The following SOAT2 variants were observed in gnomAD, a reference collection of about 807,000 sequenced individuals.
SOAT2 encodes the protein ACAT-2.
SOAT2 carries 87 observed loss-of-function variants against 76.0 expected under a neutral mutation model. The ratio of observed to expected loss-of-function variants is 1.14; its 90% confidence interval spans 0.96 to 1.37. The LOEUF (loss-of-function observed/expected upper bound fraction) is 1.37, where lower values mean the gene tolerates loss of function less well. SOAT2 is among the 40% of genes most tolerant of loss of function. SOAT2 has a pLI of 0.00. For synonymous variants in SOAT2, 285 were observed against 275.4 expected, an observed-to-expected ratio of 1.03 and a Z score of -0.34; for missense variants, 686 against 682.1, an observed-to-expected ratio of 1.01 and a Z score of -0.06.
intron 6 of SOAT2, among the ~76,000 whole-genome samples, 191 bp downstream of exon 6, chr12:53,115,845 G>A (rs1938099619): frequency 6.6e-6 from 1 of 152,218 alleles, no homozygotes; most frequent in South Asian, 2.1e-4. Context: ...AGGCTGGAAG[G>A]CAAACACTGT....
chr12:53,120,252 G>A (rs953372569), intron 10 of SOAT2, among the ~76,000 whole-genome samples: 4 of 152,044 alleles, frequency 2.6e-5, no homozygotes, highest in African/African-American at 9.7e-5. Flanking sequence ...GGTGGATCAC[G>A]AGGTCAGGAG....
At chr12:53,111,497 T>C (rs1467897801) in intron 5 of SOAT2, among the ~76,000 whole-genome samples, 1 of 151,968 alleles carries the variant, frequency 6.6e-6, no homozygotes, top group Non-Finnish European at 1.5e-5. Flanking sequence ...GCCACAAGAG[T>C]AGAAGTTAGG....
At chr12:53,111,308 C>T (rs564591470) in intron 5 of SOAT2, among the ~76,000 whole-genome samples, 19 of 152,208 alleles carry the variant, frequency 1.2e-4, no homozygotes, top group African/African-American at 3.6e-4. Flanking sequence ...GGGGTTTCAC[C>T]GTGTTAACCA....
At chr12:53,112,406 C>T (rs903119808) in intron 5 of SOAT2, among the ~76,000 whole-genome samples, 3 of 152,034 alleles carry the variant, frequency 2.0e-5, no homozygotes, top group South Asian at 2.1e-4. Context: ...ATTAGCCAGG[C>T]GTGGTAGCAC....
At position 53,121,299 on chromosome 12, in the gene SOAT2, C is replaced by G. The variant is rs1439920716; in HGVS notation, c.1138-4C>G. On this transcript the variant is annotated splice_region_variant and splice_polypyrimidine_tract_variant and intron_variant, in intron 11 of 14. Transcript: ENST00000301466. ...TTCCCCCACTCTGACCCCACCTTCTCCAGGACTGGTGGAACTCAACGTCCT... is the reference window on the plus strand; with the variant it reads ...TTCCCCCACTCTGACCCCACCTTCTGCAGGACTGGTGGAACTCAACGTCCT... 1 of 1,612,600 alleles carries G rather than the reference C, an allele frequency of 6.2e-7. No homozygotes were observed. The highest frequency in any genetic ancestry group is 8.5e-7 in the Non-Finnish European group (1 of 1,178,714).
chr12:53,122,362 C>A (rs1291805196), intron 12 of SOAT2, among the ~76,000 whole-genome samples: 1 of 139,766 alleles, frequency 7.2e-6, no homozygotes. Context: ...TTTTATTGAT[C>A]ATTCTTGGGT....
At chr12:53,113,417 G>A (rs1938053821) in intron 5 of SOAT2, among the ~76,000 whole-genome samples, 1 of 152,168 alleles carries the variant, frequency 6.6e-6, no homozygotes. Context: ...ACAGCCCTCG[G>A]GAGGGTCCCC....
intron 12 of SOAT2, 60 bp from the exon 13 acceptor site, chr12:53,123,021 G>C: frequency 6.7e-7 from 1 of 1,497,272 alleles, no homozygotes; most frequent in Non-Finnish European, 8.9e-7. Flanking sequence ...CTGGAGGTGG[G>C]GGCTCTTTGT....
In SOAT2 at chr12:53,105,154, G is replaced by C. The variant is rs555399194; in HGVS notation, c.186G>C (p.Glu62Asp). 6.3e-7 allele frequency: 1 copy of C among 1,576,850 alleles called. No individual in the cohort carries two copies. The highest frequency in any genetic ancestry group is 2.3e-5 in the East Asian group (1 of 42,686). Residue 62 changes from glutamate (E) to aspartate (D), a missense_variant, in exon 3 of 15, where the codon GAG becomes GAC. Physicochemically the swap from Glu to Asp is conservative, Grantham distance 45. Transcript: ENST00000301466. Reference sequence around the variant, plus strand: ...AGCAAGCGCAGGGACAACTGAGGGAGCTGCTGGATCGGGCCATGCGGGAGG... The same window carrying C: ...AGCAAGCGCAGGGACAACTGAGGGACCTGCTGGATCGGGCCATGCGGGAGG... ...LLEQAQGQLR[E>D]LLDRAMREAI... is the part of the protein sequence containing the mutation.
At position 53,121,401 on chromosome 12, in the gene SOAT2, G is replaced by C. The variant is rs949960836; in HGVS notation, c.1236G>C (p.Arg412=). The C allele has an allele frequency of 1.9e-6, 3 of 1,612,982 alleles. No homozygotes were observed. The Admixed American group carries it at 5.0e-5, about 27-fold the overall frequency. The change falls in exon 12 of 15, where the codon CGG becomes CGC. Residue 412 remains arginine (R), a splice_region_variant and synonymous_variant. Coordinates refer to ENST00000301466, the MANE Select transcript of SOAT2 (RefSeq NM_003578.4). ...GCTACGTGTATCAGGATGGGCTGCGGGTATGGGCCCTGCAGACCCCTTCAG... is the reference window on the plus strand; with the variant it reads ...GCTACGTGTATCAGGATGGGCTGCGCGTATGGGCCCTGCAGACCCCTTCAG... ...LYSYVYQDGL[R]LLGARARGVA...
chr12:53,115,916 C>A (rs80019583), intron 6 of SOAT2, among the ~76,000 whole-genome samples, 181 bp from the exon 7 acceptor site: 7,050 of 152,292 alleles, frequency 0.046, 373 homozygotes, highest in African/African-American at 0.13. Context: ...TCCTAGCAGC[C>A]TTCATTCATC....
chr12:53,112,562 A>AAAAAAAT (rs1938031003), intron 5 of SOAT2, among the ~76,000 whole-genome samples: 1 of 150,798 alleles, frequency 6.6e-6, no homozygotes, highest in African/African-American at 2.4e-5. Context: ...AAAAAAAAAA[A>AAAAAAAT]GACAAGGTCC....
At chr12:53,115,289 A>C in intron 5 of SOAT2, 101 bp from the exon 6 acceptor site, 1 of 1,379,558 alleles carries the variant, frequency 7.2e-7, no homozygotes, top group Non-Finnish European at 9.8e-7. Flanking sequence ...TCACAACCTG[A>C]TCAAGATACC....
intron 2 of SOAT2, among the ~76,000 whole-genome samples, chr12:53,104,520 C>T (rs1226695589): frequency 1.3e-5 from 2 of 151,882 alleles, no homozygotes; most frequent in African/African-American, 2.4e-5. Context: ...GTGATCTACC[C>T]GCCTCGGCCT....
At position 53,120,883 on chromosome 12, in the gene SOAT2, G is replaced by T; in HGVS notation, c.1137G>T (p.Arg379=). 1.9e-6 allele frequency: 3 copies of T among 1,613,200 alleles called. No individual in the cohort carries two copies. The highest frequency in any genetic ancestry group is 2.5e-6 in the Non-Finnish European group (3 of 1,179,176). The change falls in exon 11 of 15, where the codon CGG becomes CGT. Residue 379 remains arginine, a splice_region_variant and synonymous_variant. Coordinates refer to ENST00000301466, the MANE Select transcript of SOAT2 (RefSeq NM_003578.4). ...GATTTGGAGACAGGATGTTCTACCG[G>T]GTGGGGCCTGGACCTAGGCCAGTTG... ...MLRFGDRMFY[R]DWWNSTSFSN...
intron 1 of SOAT2, 41 bp downstream of exon 1, chr12:53,103,700 G>T (rs553651149): frequency 1.3e-5 from 19 of 1,424,670 alleles, no homozygotes; most frequent in African/African-American, 2.8e-5. Context: ...AGGCAAGTGG[G>T]GGGGAGGCGG....
chr12:53,120,894 G>T lies in SOAT2; in HGVS notation c.1137+11G>T. On this transcript the variant is annotated intron_variant, in intron 11 of 14. Coordinates refer to ENST00000301466, the MANE Select transcript of SOAT2 (RefSeq NM_003578.4). ...AGGATGTTCTACCGGGTGGGGCCTG[G>T]ACCTAGGCCAGTTGGAAGCTGGAGA... 2 of 1,607,710 alleles carry T rather than the reference G, an allele frequency of 1.2e-6. No individual in the cohort carries two copies. Among genetic ancestry groups the T allele is most frequent in the South Asian group, 2.2e-5 (2 of 90,950 alleles).
At position 53,103,647 on chromosome 12, in the gene SOAT2, C is replaced by A. The variant is rs768693009; in HGVS notation, c.70C>A (p.Pro24Thr). 3 of 1,535,846 alleles carry A rather than the reference C, an allele frequency of 2.0e-6. 1 individual carries two copies. Among genetic ancestry groups the A allele is most frequent in the South Asian group, 2.4e-5 (2 of 82,556 alleles). ...EGLGGERERQ[P>T]CGDGNTETHR... ...GCTGGGAGGGGAGCGGGAGCGCCAA[C>A]CCTGTGGAGATGGTGAGCCGCCCTC... Residue 24 changes from proline (P) to threonine (T), a missense_variant, in exon 1 of 15, where the codon CCC becomes ACC. By Grantham distance (38) the Pro-to-Thr change is conservative. Coordinates refer to ENST00000301466, the MANE Select transcript of SOAT2 (RefSeq NM_003578.4).
intron 9 of SOAT2, 86 bp from the exon 10 acceptor site, chr12:53,119,038 G>C: frequency 6.2e-7 from 1 of 1,610,570 alleles, no homozygotes; most frequent in East Asian, 2.2e-5. Flanking sequence ...GCCAAGGGAA[G>C]AGAAGGCCAG....
Sources: allele counts gnomAD v4.1 joint callset (sites outside exome capture counted in the v4.1 genomes callset), GRCh38; gene constraint gnomAD v4.1.1; transcripts MANE v1.5; gene names NCBI Gene and HGNC (gene_info 2026-07-23, HGNC 2026-07-21).